The following NCKIPSD variants were observed in gnomAD, a reference collection of about 807,000 sequenced individuals.
NCKIPSD encodes NCK interacting protein with SH3 domain, also known as NCK-interacting protein with SH3 domain.
In NCKIPSD, 48 loss-of-function variants were observed where a neutral mutation model predicts 73.4. The observed-to-expected ratio is 0.65, with a 90% CI of 0.52 to 0.83. The LOEUF is 0.83. Ranked by LOEUF, NCKIPSD falls within the 40% of genes least tolerant of loss-of-function variation. The pLI is 0.00. For missense variants in NCKIPSD, 884 were observed against 970.2 expected (o/e 0.91, Z 1.18); for synonymous variants, 422 against 403.6 (o/e 1.05, Z -0.54).
chr3:48,681,826 A>G, intron 4 of NCKIPSD, 46 bp from the exon 5 acceptor site: 6 of 1,460,768 alleles, frequency 4.1e-6, no homozygotes, highest in Non-Finnish European at 5.4e-6. Flanking sequence ...CCCCTGGAAA[A>G]CCATACCCTT....
Position 48,674,533 on chromosome 3 carries a change from AC to A in NCKIPSD, c.*10del. ...TGACTGGAGCTGCAGGGAAGGGAGG[AC>A]AGCAAGGTGCTAGCTGGGAGCCTCC... On this transcript the variant is annotated 3_prime_UTR_variant, in exon 13 of 13. Coordinates refer to ENST00000294129, the MANE Select transcript of NCKIPSD (RefSeq NM_016453.4). 1 of 1,575,728 alleles carries A rather than the reference AC, an allele frequency of 6.3e-7. No individual in the cohort carries two copies. Among genetic ancestry groups the A allele is most frequent in the Non-Finnish European group, 8.6e-7 (1 of 1,159,558 alleles).
chr3:48,681,637 G>A lies in NCKIPSD; in HGVS notation c.742C>T (p.Arg248Cys), dbSNP rs377726976. Residue 248 changes from arginine to cysteine, a missense_variant, in exon 5 of 13, where the codon CGC (arginine) becomes TGC (cysteine). Coordinates refer to ENST00000294129, the MANE Select transcript of NCKIPSD (RefSeq NM_016453.4). ...SCSPTPPPVPRRGTHTTVSQV... is the reference protein window; with the variant it reads ...SCSPTPPPVPCRGTHTTVSQV... ...GACACGGTGGTGTGGGTGCCTCGGCGGGGCACAGGTGGGGGTGTGGGTGAG... is the reference window on the plus strand; with the variant it reads ...GACACGGTGGTGTGGGTGCCTCGGCAGGGCACAGGTGGGGGTGTGGGTGAG... 31 of 1,613,092 alleles carry A rather than the reference G, an allele frequency of 1.9e-5. No individual in the cohort carries two copies. The African/African-American group carries it at 2.1e-4, about 11-fold the overall frequency.
intron 1 of NCKIPSD, among the ~76,000 whole-genome samples, 195 bp downstream of exon 1, chr3:48,685,442 G>C (rs2106758793): frequency 6.6e-6 from 1 of 152,208 alleles, no homozygotes; most frequent in South Asian, 2.1e-4. Context: ...CTGGTCTTTT[G>C]TGGGTGATGC....
In NCKIPSD at chr3:48,685,735, G is replaced by A; in HGVS notation, c.73C>T (p.Leu25=). ...ALAFAAGETF[L]VLERSSAHWW... is the part of the protein sequence containing the mutation. ...TGCGCGCTGCTTCGCTCTAGCACCA[G>A]GAAGGTCTCGCCCGCGGCGAACGCC... Residue 25 remains leucine (L), a synonymous_variant, in exon 1 of 13, where the codon CTG becomes TTG. Coordinates refer to ENST00000294129, the MANE Select transcript of NCKIPSD (RefSeq NM_016453.4). The A allele has an allele frequency of 2.0e-6, 3 of 1,534,848 alleles. No individual in the cohort carries two copies. The highest frequency in any genetic ancestry group is 2.6e-6 in the Non-Finnish European group (3 of 1,148,312).
At chr3:48,684,584 G>T (rs1458311266) in intron 1 of NCKIPSD, among the ~76,000 whole-genome samples, 2 of 152,240 alleles carry the variant, frequency 1.3e-5, no homozygotes, top group Non-Finnish European at 2.9e-5. Flanking sequence ...GAACTGGGCT[G>T]GGACAGGATG....
In NCKIPSD at chr3:48,679,203, A is replaced by G; in HGVS notation, c.1571-20T>C. The G allele has an allele frequency of 6.2e-7, 1 of 1,613,282 alleles. No homozygotes were observed. Among genetic ancestry groups the G allele is most frequent in the Non-Finnish European group, 8.5e-7 (1 of 1,179,744 alleles). On this transcript the variant is annotated intron_variant, in intron 9 of 12. Transcript: ENST00000294129. ...GGTGCTCTGGGAGAGGGGCGCACAG[A>G]AGTCTGCAGCCCCATTCCCCTCCGA...
Position 48,679,811 on chromosome 3 carries a change from T to A in NCKIPSD, c.1340A>T (p.Tyr447Phe). ...CCATCCTGCACATACCATTTGGTAA[T>A]AGGCCACCAAGGCCAGGACAGACTC... ...EFESVLALVAYYQMEHRASLR... is the reference protein window; with the variant it reads ...EFESVLALVAFYQMEHRASLR... Residue 447 changes from tyrosine (Y) to phenylalanine (F), a missense_variant, in exon 7 of 13, where the codon TAT becomes TTT. Coordinates refer to ENST00000294129, the MANE Select transcript of NCKIPSD (RefSeq NM_016453.4). 2 of 1,614,254 alleles carry A rather than the reference T, an allele frequency of 1.2e-6. No homozygotes were observed. Among genetic ancestry groups the A allele is most frequent in the Non-Finnish European group, 1.7e-6 (2 of 1,180,032 alleles).
chr3:48,678,209 G>A (rs1315619728), intron 12 of NCKIPSD, among the ~76,000 whole-genome samples: 5 of 152,254 alleles, frequency 3.3e-5, no homozygotes, highest in Admixed American at 3.3e-4. Context: ...CTTCCTCCCT[G>A]GCTGGCTTCC....
intron 1 of NCKIPSD, among the ~76,000 whole-genome samples, chr3:48,684,708 A>G (rs2077408805): frequency 6.6e-6 from 1 of 152,054 alleles, no homozygotes; most frequent in South Asian, 2.1e-4. Flanking sequence ...ACGCACCCCA[A>G]CCCCCGCAGC....
intron 12 of NCKIPSD, 141 bp downstream of exon 12, chr3:48,678,423 G>C (rs2077288278): frequency 9.0e-7 from 1 of 1,112,854 alleles, no homozygotes; most frequent in Non-Finnish European, 1.2e-6. Flanking sequence ...TTTGGGTCTT[G>C]GTGCACCTAT....
chr3:48,680,839 A>G (rs1281777818), intron 5 of NCKIPSD, among the ~76,000 whole-genome samples: 1 of 152,104 alleles, frequency 6.6e-6, no homozygotes, highest in African/African-American at 2.4e-5. Context: ...CTAGGACTCC[A>G]TCCCAGCTCT....
chr3:48,678,003 C>T (rs1197322276), intron 12 of NCKIPSD, among the ~76,000 whole-genome samples: 1 of 152,158 alleles, frequency 6.6e-6, no homozygotes, highest in East Asian at 1.9e-4. Flanking sequence ...TCTCTATTTT[C>T]CCCCAAGAAG....
chr3:48,685,617 G>T lies in NCKIPSD; in HGVS notation c.171+20C>A. ...CCTGCCCCAGGGGCGCGGAGGCCGG[G>T]CGGGAAGGGGCGCACTCACCTGCAG... On this transcript the variant is annotated intron_variant, in intron 1 of 12. Transcript: ENST00000294129. The T allele has an allele frequency of 6.6e-7, 1 of 1,514,054 alleles. No individual in the cohort carries two copies. Among genetic ancestry groups the T allele is most frequent in the Non-Finnish European group, 8.8e-7 (1 of 1,137,638 alleles). The allele number at this position is 1,514,054 out of a possible 1,614,324, so 93.8% of individuals were successfully genotyped here. A position where few individuals can be genotyped will look rare whatever the true frequency, so the allele number is the denominator to read the frequency against.
At chr3:48,679,939 G>C in intron 6 of NCKIPSD, 52 bp from the exon 7 acceptor site, 1 of 1,612,524 alleles carries the variant, frequency 6.2e-7, no homozygotes, top group Non-Finnish European at 8.5e-7. Context: ...GAGCTGTGCA[G>C]CCGCACAAGA....
At chr3:48,684,019 C>CACACACAGAG (rs563262573) in intron 1 of NCKIPSD, among the ~76,000 whole-genome samples, 76 of 141,338 alleles carry the variant, frequency 5.4e-4, no homozygotes, top group African/African-American at 1.1e-3. Context: ...CACACACACA[C>CACACACAGAG]AGAGAGAGAG....
chr3:48,681,486 G>A lies in NCKIPSD; in HGVS notation c.893C>T (p.Thr298Ile). The stretch of plus-strand genomic sequence containing the variant: ...CGCCTCAGCTGCTGCCTTCTCCTCT[G>A]TGGTCCCCAGGCTCAGTGTACCCAG... Reference protein sequence around the residue: ...EALGTLSLGTTEEKAAAEAAV... With the variant: ...EALGTLSLGTIEEKAAAEAAV... The change falls in exon 5 of 13, where the codon ACA becomes ATA. Residue 298 changes from threonine to isoleucine, a missense_variant. Transcript: ENST00000294129. The A allele has an allele frequency of 6.2e-7, 1 of 1,614,166 alleles. No homozygotes were observed. Among genetic ancestry groups the A allele is most frequent in the Non-Finnish European group, 8.5e-7 (1 of 1,180,038 alleles).
chr3:48,681,063 C>T (rs2106751519), intron 5 of NCKIPSD: 1 of 569,990 alleles, frequency 1.8e-6, no homozygotes, highest in East Asian at 3.2e-5. Context: ...TCCCACAAGC[C>T]AGGCTCAGTC....
chr3:48,679,579 CGT>C lies in NCKIPSD; in HGVS notation c.1483_1484del (p.Thr495AlafsTer29), dbSNP rs749864076. ...VELARDMQTD[T>X]QDHQKLCYSA... ...TACCCCGCCCTCCAGCCTCACCCTGCGTGTCTGTCTGCATGTCCCTCGCCAGC... is the reference window on the plus strand; with the variant it reads ...TACCCCGCCCTCCAGCCTCACCCTGCGTCTGTCTGCATGTCCCTCGCCAGC... On this transcript the variant is annotated frameshift_variant, in exon 8 of 13. Transcript: ENST00000294129. LOFTEE classifies it high-confidence loss of function. The C allele has an allele frequency of 1.9e-6, 3 of 1,614,082 alleles. No individual in the cohort carries two copies. Among genetic ancestry groups the C allele is most frequent in the South Asian group, 1.1e-5 (1 of 91,078 alleles).
Position 48,682,968 on chromosome 3 carries a change from C to G in NCKIPSD, c.216G>C (p.Glu72Asp). Residue 72 changes from glutamate (E) to aspartate (D), a missense_variant, in exon 2 of 13, where the codon GAG (glutamate) becomes GAC (aspartate). Physicochemically the swap from Glu to Asp is conservative, Grantham distance 45. Transcript: ENST00000294129. ...CCCGCATGGCTGTGTTGTGTACAGC[C>G]TCGATGGCCCGGTCAATGGCCTGGA... The part of the protein sequence containing the change: ...DVLQAIDRAI[E>D]AVHNTAMRDG... 6.4e-7 allele frequency: 1 copy of G among 1,552,010 alleles called. No homozygotes were observed. The highest frequency in any genetic ancestry group is 8.7e-7 in the Non-Finnish European group (1 of 1,147,804).
Sources: gnomAD v4.1 joint callset for allele counts (sites outside exome capture counted in the v4.1 genomes callset) on GRCh38, gnomAD v4.1.1 for gene constraint, MANE v1.5 for transcripts, NCBI Gene and HGNC (gene_info 2026-07-23, HGNC 2026-07-21) for gene names.